Variants in UBN1 observed in about 807,000 individuals in gnomAD.
UBN1 encodes the protein ubinuclein-1.
Under a neutral mutation model 108.5 loss-of-function variants are expected in UBN1, and 17 were observed. The ratio of observed to expected loss-of-function variants is 0.16; its 90% CI spans 0.11 to 0.24. UBN1 has a LOEUF of 0.24. UBN1 is among the 10% of genes least tolerant of loss of function. The pLI is 1.00. For synonymous variants in UBN1, 726 were observed against 564.2 expected (o/e 1.29, Z -4.07); for missense variants, 1,595 against 1,394.4 (o/e 1.14, Z -2.29).
Position 4,847,936 on chromosome 16 carries a change from G to A in UBN1, c.-314G>A, listed in dbSNP as rs2086279247. 6.5e-6 allele frequency: 1 copy of A among 152,712 alleles called. No individual in the cohort carries two copies. Among genetic ancestry groups the A allele is most frequent in the East Asian group, 1.9e-4 (1 of 5,208 alleles). 9.5% of individuals were successfully genotyped at this position (152,712 alleles called of 1,614,324 possible). On this transcript the variant is annotated 5_prime_UTR_variant, in exon 1 of 18. Transcript: ENST00000262376. ...GTCCCGCGCCGCAAGTTCTCCTGGGGCGACCGGAGGCTGCTCCCCCGACCC... is the reference window on the plus strand; with the variant it reads ...GTCCCGCGCCGCAAGTTCTCCTGGGACGACCGGAGGCTGCTCCCCCGACCC...
chr16:4,875,220 T>C lies in UBN1; in HGVS notation c.2810T>C (p.Ile937Thr). Residue 937 changes from isoleucine (I) to threonine (T), a missense_variant, in exon 15 of 18, where the codon ATA becomes ACA. Ile to Thr is a moderately conservative substitution (Grantham distance 89). Coordinates refer to ENST00000262376, the MANE Select transcript of UBN1 (RefSeq NM_001079514.3). ...SSVSGSLVPG[I>T]QPPSVGQATS... Reference sequence around the variant, plus strand: ...GTTTCTGGGAGCCTGGTCCCTGGCATACAGCCTCCCTCCGTGGGACAGGCC... The same window carrying C: ...GTTTCTGGGAGCCTGGTCCCTGGCACACAGCCTCCCTCCGTGGGACAGGCC... The C allele has an allele frequency of 1.2e-6, 2 of 1,614,216 alleles. No homozygotes were observed. The highest frequency in any genetic ancestry group is 1.7e-6 in the Non-Finnish European group (2 of 1,180,046).
chr16:4,875,480 C>G, intron 15 of UBN1, 46 bp downstream of exon 15: 2 of 1,559,088 alleles, frequency 1.3e-6, no homozygotes, highest in Non-Finnish European at 8.7e-7. Flanking sequence ...TCACAGGGGC[C>G]TTGGGGATGA....
chr16:4,858,719 A>G, intron 4 of UBN1, 56 bp downstream of exon 4: 11 of 1,543,160 alleles, frequency 7.1e-6, no homozygotes, highest in Non-Finnish European at 9.8e-6. Flanking sequence ...GCTCCTCCTG[A>G]TACTGACCAG....
At position 4,877,086 on chromosome 16, in the gene UBN1, G is replaced by C; in HGVS notation, c.3240G>C (p.Gly1080=). The C allele has an allele frequency of 3.1e-6, 5 of 1,612,918 alleles. No individual in the cohort carries two copies. Among genetic ancestry groups the C allele is most frequent in the Non-Finnish European group, 3.4e-6 (4 of 1,179,446 alleles). The change falls in exon 16 of 18, where the codon GGG becomes GGC. Residue 1080 remains glycine (G), a synonymous_variant. Coordinates refer to ENST00000262376, the MANE Select transcript of UBN1 (RefSeq NM_001079514.3). This position sits in a 1 kb window ranked among gnomAD's most constrained non-coding sequence, Gnocchi z 4.3. ...CCATCGTCACAGGCCCTGCCCCCGG[G>C]TCCTTCCACCATGGCCTTGGCCACA... is the stretch of plus-strand genomic sequence containing the variant. ...KDAIVTGPAP[G]SFHHGLGHSL... is the part of the protein sequence containing the mutation.
chr16:4,855,614 A>G (rs1199976327), intron 2 of UBN1, among the ~76,000 whole-genome samples: 4 of 151,330 alleles, frequency 2.6e-5, no homozygotes, highest in Non-Finnish European at 4.4e-5. Flanking sequence ...GTCAAAAAAA[A>G]AAAAAAAAAA....
chr16:4,871,208 G>A lies in UBN1; in HGVS notation c.1613G>A (p.Arg538Lys), dbSNP rs762280831. 4 of 1,614,246 alleles carry A rather than the reference G, an allele frequency of 2.5e-6. No homozygotes were observed. The Admixed American group carries it at 5.0e-5, about 20-fold the overall frequency. ...KIKLESQDLERNNKAQAWEDC... is the reference protein window; with the variant it reads ...KIKLESQDLEKNNKAQAWEDC... Reference sequence around the variant, plus strand: ...AAACTGGAGAGCCAGGACCTGGAGAGGAACAACAAAGCCCAGGCTTGGGAG... The same window carrying A: ...AAACTGGAGAGCCAGGACCTGGAGAAGAACAACAAAGCCCAGGCTTGGGAG... Residue 538 changes from arginine to lysine, a missense_variant, in exon 12 of 18, where the codon AGG becomes AAG. Arg to Lys is a conservative substitution (Grantham distance 26). Around this residue, in one of 3 missense-constraint regions of UBN1, gnomAD observed 1,398 missense variants for 1,194.7 expected, o/e 1.17. Transcript: ENST00000262376.
intron 13 of UBN1, 25 bp from the exon 14 acceptor site, chr16:4,873,006 T>C: frequency 6.2e-7 from 1 of 1,614,228 alleles, no homozygotes; most frequent in Non-Finnish European, 8.5e-7. Context: ...TCTCTAAACT[T>C]TTCTGTGCTC....
intron 6 of UBN1, among the ~76,000 whole-genome samples, chr16:4,860,452 T>C (rs540531413): frequency 3.2e-4 from 49 of 152,306 alleles, no homozygotes; most frequent in African/African-American, 1.1e-3. Flanking sequence ...ATTTAGCATA[T>C]GTGACACTGT....
Position 4,874,312 on chromosome 16 carries a change from TGGGGCC to T in UBN1, c.1903_1908del (p.Gly635_Ala636del), listed in dbSNP as rs746690226. The T allele has an allele frequency of 1.2e-6, 2 of 1,614,204 alleles. No individual in the cohort carries two copies. Among genetic ancestry groups the T allele is most frequent in the South Asian group, 2.2e-5 (2 of 91,088 alleles). On this transcript the variant is annotated inframe_deletion, in exon 15 of 18. Transcript: ENST00000262376. ...ATCACCAAACAGGAGGCCTGAGTATTGGGGCCTCGAGCAGGGAGCTCCCATCCCAGG... is the reference window on the plus strand; with the variant it reads ...ATCACCAAACAGGAGGCCTGAGTATTTCGAGCAGGGAGCTCCCATCCCAGG...
At chr16:4,849,962 A>AAAAAAAAAAAAC (rs2086472900) in intron 1 of UBN1, among the ~76,000 whole-genome samples, 1 of 150,256 alleles carries the variant, frequency 6.7e-6, no homozygotes, top group Admixed American at 6.6e-5. Context: ...AAAAAAAAAA[A>AAAAAAAAAAAAC]AAAACCACAA....
rs549135543 is a variant in UBN1, at chr16:4,847,689, C to G, written c.-561C>G. The G allele has an allele frequency of 7.2e-5, 13 of 179,726 alleles. No individual in the cohort carries two copies. Among genetic ancestry groups the G allele is most frequent in the Non-Finnish European group, 1.3e-4 (11 of 86,528 alleles). The allele number at this position is 179,726 out of a possible 1,614,324, so 11.1% of individuals were successfully genotyped here. On this transcript the variant is annotated 5_prime_UTR_variant, in exon 1 of 18. Coordinates refer to ENST00000262376, the MANE Select transcript of UBN1 (RefSeq NM_001079514.3). ...CGGGCCCCGGGGCCATTCCCGAGCC[C>G]GAGGCGCTGGTCGGCCCCGTCGCAG...
At position 4,847,540 on chromosome 16, in the gene UBN1, C is replaced by G; in HGVS notation, c.-710C>G. On this transcript the variant is annotated 5_prime_UTR_variant, in exon 1 of 18. Coordinates refer to ENST00000262376, the MANE Select transcript of UBN1 (RefSeq NM_001079514.3). ...AAGCGCCCGCGGTCTGAGGCGGCGG[C>G]GGCGGCGACGGTGCGACCGGCTGAG... The G allele has an allele frequency of 2.2e-6, 1 of 455,936 alleles. No individual in the cohort carries two copies. The highest frequency in any genetic ancestry group is 4.7e-5 in the Admixed American group (1 of 21,288). 28.2% of individuals were successfully genotyped at this position (455,936 alleles called of 1,614,324 possible). A position where few individuals can be genotyped will look rare whatever the true frequency, so the allele number is the denominator to read the frequency against.
At chr16:4,850,594 C>T (rs1055745356) in intron 1 of UBN1, among the ~76,000 whole-genome samples, 4 of 152,162 alleles carry the variant, frequency 2.6e-5, no homozygotes, top group South Asian at 2.1e-4. Context: ...CATCTTAGTA[C>T]GTGTTGGGAG....
intron 14 of UBN1, 35 bp from the exon 15 acceptor site, chr16:4,874,176 C>A (rs1313392888): frequency 6.6e-7 from 1 of 1,513,684 alleles, no homozygotes; most frequent in African/African-American, 1.4e-5. Flanking sequence ...CATCTTTGGA[C>A]CTTTCTAAAC....
chr16:4,862,744 G>A (rs1163086047), intron 7 of UBN1, among the ~76,000 whole-genome samples: 2 of 152,244 alleles, frequency 1.3e-5, no homozygotes, highest in Non-Finnish European at 2.9e-5. Flanking sequence ...TGGGAAAGAT[G>A]GGGACAGATT....
At position 4,880,949 on chromosome 16, in the gene UBN1, C is replaced by A. The variant is rs1265219914; in HGVS notation, c.*817C>A. 1 of 152,444 alleles carries A rather than the reference C, an allele frequency of 6.6e-6. No homozygotes were observed. Among genetic ancestry groups the A allele is most frequent in the East Asian group, 1.9e-4 (1 of 5,198 alleles). 9.4% of individuals were successfully genotyped at this position (152,444 alleles called of 1,614,324 possible). On this transcript the variant is annotated 3_prime_UTR_variant, in exon 18 of 18. Transcript: ENST00000262376. ...CCTCTGAATGGATCTGAGACGAAGA[C>A]CTTTTTAAAGATATGTCTGTATTGA...
Position 4,860,681 on chromosome 16 carries a change from C to G in UBN1, c.689C>G (p.Ala230Gly), listed in dbSNP as rs1352011866. Reference protein sequence around the residue: ...FSKAGFTALNASKEKKKKKYS... With the variant: ...FSKAGFTALNGSKEKKKKKYS... ...GCTTGCAGCTTCACAGCCCTCAATG[C>G]CAGTAAGGAGAAGAAGAAGAAGAAA... Residue 230 changes from alanine to glycine, a missense_variant, in exon 7 of 18, where the codon GCC (alanine) becomes GGC (glycine). By Grantham distance (60) the Ala-to-Gly change is moderately conservative. Transcript: ENST00000262376. 1.9e-6 allele frequency: 3 copies of G among 1,611,904 alleles called. No homozygotes were observed.
intron 2 of UBN1, among the ~76,000 whole-genome samples, chr16:4,856,825 T>A (rs2086832930): frequency 6.6e-6 from 1 of 152,224 alleles, no homozygotes; most frequent in African/African-American, 2.4e-5. Context: ...TTTGAAAGAC[T>A]CCCCATTTGA....
chr16:4,875,575 A>C, intron 15 of UBN1, 141 bp downstream of exon 15: 20 of 1,246,060 alleles, frequency 1.6e-5, no homozygotes, highest in East Asian at 2.4e-5. Context: ...AGGAAGGGAG[A>C]CTGGGCTCCC....
Sources: gnomAD v4.1 joint callset for allele counts (sites outside exome capture counted in the v4.1 genomes callset) on GRCh38, gnomAD v4.1.1 for gene constraint, gnomAD v4.1.1 regional missense constraint, Gnocchi (gnomAD v3.1) non-coding constraint, MANE v1.5 for transcripts, NCBI Gene and HGNC (gene_info 2026-07-23, HGNC 2026-07-21) for gene names.